Variants in RUNX1 observed in about 807,000 individuals in gnomAD.
RUNX1 encodes the protein runt-related transcription factor 1.
In RUNX1, 19 loss-of-function variants were observed where a neutral mutation model predicts 42.8. That is an observed-to-expected ratio of 0.44 (90% CI 0.31 to 0.65). The LOEUF (loss-of-function observed/expected upper bound fraction) is 0.65, where lower values mean the gene tolerates loss of function less well. Among genes scored for constraint, RUNX1 ranks in the 30% least tolerant of loss-of-function variants. The pLI is 0.07. For synonymous variants in RUNX1, 271 were observed against 289.4 expected (o/e 0.94, Z 0.64); for missense variants, 528 against 672.0 (o/e 0.79, Z 2.37).
At chr21:35,026,773 G>C (rs2146960962) in intron 2 of RUNX1, among the ~76,000 whole-genome samples, 1 of 152,338 alleles carries the variant, frequency 6.6e-6, no homozygotes, top group South Asian at 2.1e-4. Context: ...GACGCAGAAA[G>C]CAACAGCCAG....
intron 2 of RUNX1, among the ~76,000 whole-genome samples, chr21:34,956,607 G>C (rs992791096): frequency 6.6e-6 from 1 of 152,150 alleles, no homozygotes; most frequent in Non-Finnish European, 1.5e-5. Context: ...GATGAATGCT[G>C]TTTTGATGTC....
intron 7 of RUNX1, among the ~76,000 whole-genome samples, chr21:34,818,603 G>A (rs544126526): frequency 4.4e-4 from 67 of 152,296 alleles, no homozygotes; most frequent in African/African-American, 1.4e-3. Context: ...CTCCAGTACC[G>A]GAGCCAGCTC....
intron 6 of RUNX1, among the ~76,000 whole-genome samples, chr21:34,850,802 A>T (rs2057407002): frequency 2.6e-5 from 4 of 152,194 alleles, no homozygotes; most frequent in Non-Finnish European, 5.9e-5. Flanking sequence ...TTAAATGTAA[A>T]AAAAAAAGTG....
intron 2 of RUNX1, among the ~76,000 whole-genome samples, chr21:34,913,370 G>C (rs571972181): frequency 5.1e-4 from 78 of 152,288 alleles, no homozygotes; most frequent in Non-Finnish European, 9.3e-4. Flanking sequence ...CTGATGCGGG[G>C]CTGTTCACCC....
At chr21:34,970,891 A>G (rs1384918964) in intron 2 of RUNX1, among the ~76,000 whole-genome samples, 5 of 151,560 alleles carry the variant, frequency 3.3e-5, no homozygotes, top group African/African-American at 9.7e-5. Context: ...AAATTAAAAG[A>G]AAAAAAAAGG....
At chr21:34,870,714 C>G (rs967393478) in intron 5 of RUNX1, among the ~76,000 whole-genome samples, 27 of 152,164 alleles carry the variant, frequency 1.8e-4, no homozygotes, top group African/African-American at 2.4e-5. Flanking sequence ...AATCCCAGCA[C>G]TTTGGGAGGC....
intron 5 of RUNX1, among the ~76,000 whole-genome samples, chr21:34,872,810 G>A (rs866387898): frequency 1.2e-4 from 18 of 152,176 alleles, no homozygotes; most frequent in Middle Eastern, 3.4e-3. Flanking sequence ...AGATGCCACC[G>A]GCACTCCCCA....
intron 6 of RUNX1, among the ~76,000 whole-genome samples, chr21:34,842,461 C>T (rs1419325340): frequency 1.5e-5 from 2 of 132,140 alleles, no homozygotes; most frequent in African/African-American, 2.9e-5. Context: ...CTCCACTGCA[C>T]TCCAGACTGG....
rs2058173374 is a variant in RUNX1 at position 34,901,034 on chromosome 21, T to C, written c.59-8071A>G. On this transcript the variant is annotated intron_variant, in intron 2 of 8. Transcript: ENST00000675419. The surrounding 1 kb of genome is among the most constrained non-coding windows in gnomAD (Gnocchi z 4.3). ...AGTTAAAACACAGTAATAGATCAAT[T>C]CAGTGAGGGAGCTACTGGTCTAATG... 6.6e-6 allele frequency among the ~76,000 whole-genome samples: 1 copy of C among 152,190 alleles called. No homozygotes were observed. Among genetic ancestry groups the C allele is most frequent in the Non-Finnish European group, 1.5e-5 (1 of 68,032 alleles).
intron 3 of RUNX1, chr21:34,889,916 C>G (rs577386893): frequency 1.0e-6 from 1 of 974,606 alleles, no homozygotes; most frequent in Admixed American, 5.4e-5. Flanking sequence ...GCAACCCAGT[C>G]CCCGGATCCC....
chr21:34,824,211 T>C (rs745323361), intron 7 of RUNX1, among the ~76,000 whole-genome samples: 1 of 152,204 alleles, frequency 6.6e-6, no homozygotes, highest in Admixed American at 6.5e-5. Context: ...GAGCGTGAAC[T>C]GGCTAAAACT....
chr21:34,878,004 A>T (rs540609337), intron 5 of RUNX1, among the ~76,000 whole-genome samples: 1 of 152,284 alleles, frequency 6.6e-6, no homozygotes, highest in South Asian at 2.1e-4. Context: ...TGCCAAGGGT[A>T]TATTTTCAAG....
At chr21:34,881,630 T>C (rs2057906937) in intron 4 of RUNX1, among the ~76,000 whole-genome samples, 1 of 152,258 alleles carries the variant, frequency 6.6e-6, no homozygotes, top group Non-Finnish European at 1.5e-5. Context: ...CTAGCCCAGC[T>C]GATCTTGACC....
intron 2 of RUNX1, among the ~76,000 whole-genome samples, chr21:34,943,287 T>C (rs745943869): frequency 4.6e-5 from 7 of 152,188 alleles, no homozygotes; most frequent in Admixed American, 6.5e-5. Flanking sequence ...AGAATCTGTC[T>C]TGAGGAACAT....
chr21:35,028,688 C>G (rs1469960598), intron 2 of RUNX1, among the ~76,000 whole-genome samples: 1 of 152,224 alleles, frequency 6.6e-6, no homozygotes, highest in African/African-American at 2.4e-5. Context: ...TTCTCTGAAG[C>G]CATTTCATGC....
At chr21:34,888,785 C>A in intron 3 of RUNX1, 1 of 691,444 alleles carries the variant, frequency 1.4e-6, no homozygotes, top group Non-Finnish European at 1.8e-6. Flanking sequence ...GGCCGGCGGC[C>A]AATCACAGGC....
rs2145866048 is a variant in RUNX1 at position 34,790,965 on chromosome 21, A to G, written c.*1170T>C. On this transcript the variant is annotated 3_prime_UTR_variant, in exon 9 of 9. Coordinates refer to ENST00000675419, the MANE Select transcript of RUNX1 (RefSeq NM_001754.5). ...GGCAGAAATCAAATCCTCTCCAAAG[A>G]TGTAATTATTGGCACCTGCCTCAAC... 1 of 233,678 alleles carries G rather than the reference A, an allele frequency of 4.3e-6. No homozygotes were observed. Among genetic ancestry groups the G allele is most frequent in the South Asian group, 1.8e-4 (1 of 5,530 alleles). 14.5% of individuals were successfully genotyped at this position (233,678 alleles called of 1,614,324 possible).
At chr21:34,889,655 C>G in intron 3 of RUNX1, 13 of 1,117,570 alleles carry the variant, frequency 1.2e-5, no homozygotes, top group Non-Finnish European at 1.4e-5. Flanking sequence ...TGCGCTCGAG[C>G]GGCCCCAGGT....
intron 7 of RUNX1, among the ~76,000 whole-genome samples, chr21:34,808,452 G>A (rs372145637): frequency 1.3e-5 from 2 of 152,260 alleles, no homozygotes; most frequent in Admixed American, 1.3e-4. Context: ...TCACCTCGCC[G>A]GGGAAGCTTT....
Sources: gnomAD v4.1 joint callset for allele counts (sites outside exome capture counted in the v4.1 genomes callset) on GRCh38, gnomAD v4.1.1 for gene constraint, Gnocchi (gnomAD v3.1) non-coding constraint, MANE v1.5 for transcripts, NCBI Gene and HGNC (gene_info 2026-07-23, HGNC 2026-07-21) for gene names.